The following MASP1 variants were observed in gnomAD, a reference collection of about 807,000 sequenced individuals.
The protein encoded by MASP1 is MBL associated serine protease 1.
Under a neutral mutation model 77.1 loss-of-function variants are expected in MASP1, and 59 were observed. The observed-to-expected ratio is 0.77, with a 90% CI of 0.62 to 0.95. MASP1 has a LOEUF of 0.95. Ranked by LOEUF, MASP1 falls within the 40% of genes least tolerant of loss-of-function variation. MASP1 has a pLI of 0.00. For missense variants in MASP1, 885 were observed against 912.9 expected (o/e 0.97, Z 0.39); for synonymous variants, 362 against 354.5 (o/e 1.02, Z -0.24).
chr3:187,264,965 G>A (rs983156107), intron 2 of MASP1, among the ~76,000 whole-genome samples: 3 of 151,998 alleles, frequency 2.0e-5, no homozygotes, highest in East Asian at 1.9e-4. Flanking sequence ...TGACACTGCC[G>A]TATTCTGCAT....
At chr3:187,276,377 C>A (rs1412572295) in intron 2 of MASP1, among the ~76,000 whole-genome samples, 1 of 152,194 alleles carries the variant, frequency 6.6e-6, no homozygotes, top group African/African-American at 2.4e-5. Context: ...TACTGCTGTA[C>A]CCTAAGCTCT....
At chr3:187,238,163 T>C (rs1713327899) in intron 10 of MASP1, among the ~76,000 whole-genome samples, 1 of 152,226 alleles carries the variant, frequency 6.6e-6, no homozygotes, top group Non-Finnish European at 1.5e-5. Context: ...GCTTGGTCCA[T>C]GGTCACAACA....
At chr3:187,244,271 T>C (rs1713902778) in intron 8 of MASP1, 1 of 158,652 alleles carries the variant, frequency 6.3e-6, no homozygotes, top group Non-Finnish European at 1.4e-5. Context: ...GATGGCCGCA[T>C]GTTTGAGCCA....
At position 187,235,872 on chromosome 3, in the gene MASP1, C is replaced by T. The variant is rs1713116422; in HGVS notation, c.1999G>A (p.Ala667Thr). 2 of 1,614,182 alleles carry T rather than the reference C, an allele frequency of 1.2e-6. No individual in the cohort carries two copies. The highest frequency in any genetic ancestry group is 8.5e-7 in the Non-Finnish European group (1 of 1,180,028). The stretch of plus-strand genomic sequence containing the variant: ...CTCAAGTCATCAAAGATGACAAAGG[C>T]CCCACCGCTATCTCCAAGGCACGTG... ...KDTCLGDSGGAFVIFDDLSQR... is the reference protein window; with the variant it reads ...KDTCLGDSGGTFVIFDDLSQR... Residue 667 changes from alanine (A) to threonine (T), a missense_variant, in exon 11 of 11, where the codon GCC becomes ACC. Physicochemically the swap from Ala to Thr is moderately conservative, Grantham distance 58. Transcript: ENST00000296280.
chr3:187,290,979 C>CT lies in MASP1; in HGVS notation c.5+648dup, dbSNP rs79212411. Reference sequence around the variant, plus strand: ...TTCTTGATTTCAGAACTCTAAAATCCTTTTTTTTTTTTTAAGTATGATATC... The same window carrying CT: ...TTCTTGATTTCAGAACTCTAAAATCCTTTTTTTTTTTTTTAAGTATGATATC... On this transcript the variant is annotated intron_variant, in intron 1 of 10. Transcript: ENST00000296280. 2.7e-3 allele frequency among the ~76,000 whole-genome samples: 380 copies of CT among 141,804 alleles called. 1 individual carries two copies. The highest frequency in any genetic ancestry group is 6.7e-3 in the East Asian group (33 of 4,922). 93.0% of individuals were successfully genotyped at this position (141,804 alleles called of 152,430 possible).
chr3:187,241,161 C>T (rs1348626857), intron 10 of MASP1, among the ~76,000 whole-genome samples: 1 of 152,120 alleles, frequency 6.6e-6, no homozygotes, highest in Non-Finnish European at 1.5e-5. Flanking sequence ...TGCTTGAGGA[C>T]AGGGTGCCCA....
At chr3:187,227,594 A>G (rs1712510491) in intron 11 of MASP1, among the ~76,000 whole-genome samples, 1 of 152,186 alleles carries the variant, frequency 6.6e-6, no homozygotes, top group African/African-American at 2.4e-5. Context: ...GTCTCAGAGC[A>G]GGTTCCAGGC....
rs530517293 is a variant in MASP1, at chr3:187,226,460, G to A, written c.1502C>T (p.Pro501Leu). Residue 501 changes from proline (P) to leucine (L), a missense_variant, in exon 12 of 16, where the codon CCG becomes CTG. Pro to Leu is a moderately conservative substitution (Grantham distance 98). Coordinates refer to the MASP1 transcript ENST00000337774. The stretch of plus-strand genomic sequence containing the variant: ...GAGCAAGTCTGAATCACGTAGGGTC[G>A]GATCTTCCGGATCGAGTGACTGGTG... The A allele has an allele frequency of 2.0e-5, 33 of 1,612,888 alleles. No individual in the cohort carries two copies. The East Asian group carries it at 3.3e-4, about 16-fold the overall frequency.
intron 2 of MASP1, among the ~76,000 whole-genome samples, chr3:187,264,917 A>T (rs1715892029): frequency 6.6e-6 from 1 of 152,096 alleles, no homozygotes; most frequent in South Asian, 2.1e-4. Flanking sequence ...AATACGATAT[A>T]CAGGAACCTG....
intron 10 of MASP1, among the ~76,000 whole-genome samples, chr3:187,239,475 A>T (rs1713453150): frequency 6.6e-6 from 1 of 152,248 alleles, no homozygotes. Flanking sequence ...TGGCAGCATC[A>T]GTATTAGTAC....
intron 1 of MASP1, among the ~76,000 whole-genome samples, chr3:187,286,416 T>C (rs530093612): frequency 6.1e-4 from 93 of 152,366 alleles, no homozygotes; most frequent in African/African-American, 2.2e-3. Context: ...CTTGATTCTC[T>C]TTTTGAAAAA....
intron 1 of MASP1, among the ~76,000 whole-genome samples, chr3:187,289,448 A>G (rs1247964073): frequency 1.3e-5 from 2 of 152,232 alleles, no homozygotes; most frequent in Non-Finnish European, 1.5e-5. Flanking sequence ...ACTTCAACAG[A>G]AGAAGGGAAT....
chr3:187,249,730 C>G (rs1446238391), intron 8 of MASP1, among the ~76,000 whole-genome samples: 1 of 152,208 alleles, frequency 6.6e-6, no homozygotes, highest in African/African-American at 2.4e-5. Flanking sequence ...AGAGCCAAGG[C>G]AAGAACTCTG....
Position 187,251,583 on chromosome 3 carries a change from C to CG in MASP1, c.1011+50dup, listed in dbSNP as rs3214401. The CG allele has an allele frequency of 0.26, 382,921 of 1,499,640 alleles. 49,832 individuals are homozygous for CG. Among genetic ancestry groups the CG allele is most frequent in the African/African-American group, 0.33 (24,236 of 72,598 alleles). The allele number at this position is 1,499,640 out of a possible 1,614,324, so 92.9% of individuals were successfully genotyped here. A position where few individuals can be genotyped will look rare whatever the true frequency, so the allele number is the denominator to read the frequency against. On this transcript the variant is annotated intron_variant, in intron 7 of 10. Coordinates refer to ENST00000296280, the MANE Select transcript of MASP1 (RefSeq NM_139125.4). ...ATCTGCCCTGGGGAGGGGCAGGTTT[C>CG]GAGAGTTTCTGTGGCCTGGTCACTC...
intron 11 of MASP1, chr3:187,226,670 C>G (rs548392717): frequency 1.0e-5 from 7 of 688,562 alleles, no homozygotes; most frequent in Non-Finnish European, 1.9e-5. Context: ...TGGCCCCCAA[C>G]TCAAATGCTC....
intron 8 of MASP1, chr3:187,244,561 A>G (rs1182874675): frequency 6.6e-6 from 1 of 152,240 alleles, no homozygotes; most frequent in Non-Finnish European, 1.5e-5. Context: ...CTGGAAAGAA[A>G]CCTGAAGTAG....
chr3:187,274,115 C>A (rs1308425535), intron 2 of MASP1, among the ~76,000 whole-genome samples: 1 of 151,636 alleles, frequency 6.6e-6, no homozygotes, highest in Non-Finnish European at 1.5e-5. Flanking sequence ...GGCTGAGGCT[C>A]AAGAATCGCT....
At position 187,235,501 on chromosome 3, in the gene MASP1, C is replaced by A. The variant is rs1228453960; in HGVS notation, c.*183G>T. Reference sequence around the variant, plus strand: ...AAGCTCAGGAACACAGGTCTCCTGCCTGGAGCCTTTTCCCTATACCACACT... The same window carrying A: ...AAGCTCAGGAACACAGGTCTCCTGCATGGAGCCTTTTCCCTATACCACACT... On this transcript the variant is annotated 3_prime_UTR_variant, in exon 11 of 11. Transcript: ENST00000296280. 4.6e-6 allele frequency: 7 copies of A among 1,527,952 alleles called. No individual in the cohort carries two copies. 94.6% of individuals were successfully genotyped at this position (1,527,952 alleles called of 1,614,324 possible). A position where few individuals can be genotyped will look rare whatever the true frequency, so the allele number is the denominator to read the frequency against.
At chr3:187,229,126 C>T (rs995308588), downstream of MASP1, among the ~76,000 whole-genome samples, 12 of 152,210 alleles carry the variant, frequency 7.9e-5, no homozygotes, top group Non-Finnish European at 1.5e-4. Context: ...TCTTAGATTG[C>T]CTGGACCAAA....
Sources: gnomAD v4.1 joint callset for allele counts (sites outside exome capture counted in the v4.1 genomes callset) on GRCh38, gnomAD v4.1.1 for gene constraint, MANE v1.5 for transcripts, NCBI Gene and HGNC (gene_info 2026-07-23, HGNC 2026-07-21) for gene names.